The following ABL1 variants were observed in gnomAD, a reference collection of about 807,000 sequenced individuals.
ABL1 encodes ABL proto-oncogene 1, non-receptor tyrosine kinase, also known as tyrosine-protein kinase ABL1.
ABL1 carries 11 observed loss-of-function variants against 94.7 expected under a neutral mutation model. The ratio of observed to expected loss-of-function variants is 0.12; its 90% CI spans 0.07 to 0.19. ABL1 has a LOEUF of 0.19. ABL1 is among the 10% of genes least tolerant of loss of function. The probability of loss-of-function intolerance (pLI) is 1.00; values close to 1 mark genes in which losing one functional copy is unlikely to be tolerated. For synonymous variants in ABL1, 656 were observed against 622.4 expected (o/e 1.05, Z -0.80); for missense variants, 1,082 against 1,489.4 (o/e 0.73, Z 4.50).
chr9:130,808,223 C>T (rs1410120185), intron 1 of ABL1, among the ~76,000 whole-genome samples: 2 of 129,750 alleles, frequency 1.5e-5, no homozygotes, highest in African/African-American at 6.4e-5. Flanking sequence ...TTTTCTTCTT[C>T]TTCTTCTTCT....
intron 7 of ABL1, among the ~76,000 whole-genome samples, chr9:130,875,839 C>T (rs1210070612): frequency 1.3e-5 from 2 of 152,072 alleles, no homozygotes; most frequent in African/African-American, 4.8e-5. Flanking sequence ...TCTTCTCCTT[C>T]TCCTTCCGAC....
chr9:130,749,606 A>G (rs1012355909), intron 1 of ABL1, among the ~76,000 whole-genome samples: 1 of 152,196 alleles, frequency 6.6e-6, no homozygotes, highest in African/African-American at 2.4e-5. Flanking sequence ...AAGCCACGTG[A>G]TCTTGTAGAA....
chr9:130,758,444 G>A (rs1396604198), intron 1 of ABL1, among the ~76,000 whole-genome samples: 3 of 151,874 alleles, frequency 2.0e-5, no homozygotes, highest in Admixed American at 2.0e-4. Flanking sequence ...ACAGGCATGA[G>A]CCACCAGAGA....
intron 1 of ABL1, among the ~76,000 whole-genome samples, chr9:130,799,250 A>G (rs1830024110): frequency 6.6e-6 from 1 of 152,200 alleles, no homozygotes; most frequent in Non-Finnish European, 1.5e-5. Flanking sequence ...GAGATTTAGG[A>G]TAAGTGCAAG....
intron 1 of ABL1, among the ~76,000 whole-genome samples, chr9:130,766,518 C>CA (rs1288862302): frequency 6.6e-6 from 1 of 152,108 alleles, no homozygotes; most frequent in African/African-American, 2.4e-5. Flanking sequence ...TAGGCACTTG[C>CA]AGGGGCCTTT....
At chr9:130,858,316 T>C (rs1027937985) in intron 3 of ABL1, among the ~76,000 whole-genome samples, 7 of 152,146 alleles carry the variant, frequency 4.6e-5, no homozygotes, top group African/African-American at 1.7e-4. Flanking sequence ...CTGCCTAAGA[T>C]GCCTCTGTCT....
rs149351235 is a variant in ABL1, at chr9:130,730,121, G to A, written c.136+15666G>A. 2.2e-3 allele frequency among the ~76,000 whole-genome samples: 330 copies of A among 146,688 alleles called. 3 individuals carry two copies. Among genetic ancestry groups the A allele is most frequent in the Non-Finnish European group, 3.2e-3 (218 of 67,160 alleles). Reference sequence around the variant, plus strand: ...TGCAATGGTGCAATCTTAGCTGACCGCTACCTCCGCCTCCTGGGTTCAAGT... The same window carrying A: ...TGCAATGGTGCAATCTTAGCTGACCACTACCTCCGCCTCCTGGGTTCAAGT... On this transcript the variant is annotated intron_variant, in intron 1 of 10. Transcript: ENST00000372348.
chr9:130,838,531 G>A (rs1368788921), intron 1 of ABL1, among the ~76,000 whole-genome samples: 1 of 152,076 alleles, frequency 6.6e-6, no homozygotes, highest in Non-Finnish European at 1.5e-5. Flanking sequence ...TCACCCTGGA[G>A]TTTTATGTGT....
intron 1 of ABL1, among the ~76,000 whole-genome samples, chr9:130,843,917 T>C (rs1244491636): frequency 6.6e-6 from 1 of 152,122 alleles, no homozygotes; most frequent in Non-Finnish European, 1.5e-5. Flanking sequence ...CTCAGACTTT[T>C]ACTATAGTGG....
intron 3 of ABL1, 135 bp downstream of exon 3, chr9:130,855,231 C>G: frequency 9.8e-7 from 1 of 1,022,298 alleles, no homozygotes; most frequent in Non-Finnish European, 1.4e-6. Flanking sequence ...GGGAGTCATT[C>G]CATTAGCCTT....
chr9:130,713,087 G>T (rs1009477807), exon 1 of ABL1, among the ~76,000 whole-genome samples: 7 of 152,242 alleles, frequency 4.6e-5, no homozygotes, highest in Admixed American at 3.9e-4. Context: ...TGCCTGAGCA[G>T]CGCTGGAGCC....
intron 1 of ABL1, among the ~76,000 whole-genome samples, chr9:130,800,970 G>A (rs1404873868): frequency 2.1e-5 from 3 of 142,272 alleles, no homozygotes; most frequent in South Asian, 2.2e-4. Context: ...TCTCTGTGTC[G>A]CCCAGGCTGG....
rs766019913 is a variant in ABL1 at position 130,886,431 on chromosome 9, G to C, written c.*748G>C. 7.7e-5 allele frequency: 18 copies of C among 233,522 alleles called. No individual in the cohort carries two copies. Among genetic ancestry groups the C allele is most frequent in the Non-Finnish European group, 1.2e-4 (14 of 118,066 alleles). 14.5% of individuals were successfully genotyped at this position (233,522 alleles called of 1,614,324 possible). ...TCCACATCCCCAGAGCCCAGCTCTT[G>C]CTCTCTTGTGACGTGCACTGTGAAT... is the stretch of plus-strand genomic sequence containing the variant. On this transcript the variant is annotated 3_prime_UTR_variant, in exon 11 of 11. Coordinates refer to ENST00000318560, the MANE Select transcript of ABL1 (RefSeq NM_005157.6).
chr9:130,796,550 G>A (rs1250173246), intron 1 of ABL1, among the ~76,000 whole-genome samples: 14 of 152,080 alleles, frequency 9.2e-5, no homozygotes, highest in East Asian at 3.9e-4. Context: ...TCAAATGATC[G>A]AATGGCCAGG....
rs1402091875 is a variant in ABL1 at position 130,856,262 on chromosome 9, A to AT, written c.549+1171dup. Among the ~76,000 whole-genome samples the AT allele has an allele frequency of 2.6e-5, 4 of 152,040 alleles. No individual in the cohort carries two copies. In the East Asian group the frequency reaches 5.8e-4, roughly 22 times the overall value. On this transcript the variant is annotated intron_variant, in intron 3 of 10. Transcript: ENST00000318560. ...CACCACCACACCCAGCTAATTTTGTATTTTTAGTAGAGACAGGGTTTCACC... is the reference window on the plus strand; with the variant it reads ...CACCACCACACCCAGCTAATTTTGTATTTTTTAGTAGAGACAGGGTTTCACC...
Position 130,880,408 on chromosome 9 carries a change from G to A in ABL1, c.1514-92G>A, listed in dbSNP as rs2133023576. On this transcript the variant is annotated intron_variant, in intron 9 of 10. Transcript: ENST00000318560. This position sits in a 1 kb window ranked among gnomAD's most constrained non-coding sequence, Gnocchi z 4.4. ...CTTTAGTTGTATGCAGATGAGCACT[G>A]TTACCTTACAAAGAAAGAGAACCAC... 6.8e-7 allele frequency: 1 copy of A among 1,476,278 alleles called. No homozygotes were observed. Among genetic ancestry groups the A allele is most frequent in the Non-Finnish European group, 9.3e-7 (1 of 1,078,432 alleles). 91.4% of individuals were successfully genotyped at this position (1,476,278 alleles called of 1,614,324 possible).
intron 1 of ABL1, among the ~76,000 whole-genome samples, chr9:130,747,141 G>A (rs139409148): frequency 5.3e-5 from 8 of 152,178 alleles, no homozygotes; most frequent in East Asian, 1.9e-4. Flanking sequence ...TTGGGAAGCC[G>A]AGGAGGGCAG....
chr9:130,834,787 G>T, upstream of ABL1: 1 of 445,006 alleles, frequency 2.2e-6, no homozygotes, highest in Non-Finnish European at 4.5e-6. Flanking sequence ...GACACCCACT[G>T]CCTCAGCCTT....
At chr9:130,772,397 A>G (rs935273705) in intron 1 of ABL1, among the ~76,000 whole-genome samples, 2 of 152,254 alleles carry the variant, frequency 1.3e-5, no homozygotes, top group Admixed American at 6.5e-5. Context: ...ACAGATGGTC[A>G]TGATTTTCAG....
Sources: allele counts gnomAD v4.1 joint callset (sites outside exome capture counted in the v4.1 genomes callset), GRCh38; gene constraint gnomAD v4.1.1; non-coding constraint Gnocchi (gnomAD v3.1); transcripts MANE v1.5; gene names NCBI Gene and HGNC (gene_info 2026-07-23, HGNC 2026-07-21).